SCAND3: variants seen among roughly 807,000 people sequenced by gnomAD.
SCAND3 encodes SCAN domain-containing protein 3.
the SCAND3 span, among the ~76,000 whole-genome samples, chr6:28,578,724 GC>G: frequency 6.6e-6 from 1 of 152,128 alleles, no homozygotes; most frequent in South Asian, 2.1e-4. Context: ...AATTGTTAGG[GC>G]TATAAGAGGA....
the SCAND3 span, chr6:28,572,330 C>G: frequency 1.2e-6 from 2 of 1,600,144 alleles, no homozygotes; most frequent in Non-Finnish European, 1.7e-6. The surrounding 1 kb of genome is among the most constrained non-coding windows in gnomAD (Gnocchi z 4.1). Context: ...TCAAAACATT[C>G]TAACAAATTT....
At chr6:28,574,511 G>A in the SCAND3 span, 2 of 755,942 alleles carry the variant, frequency 2.6e-6, no homozygotes, top group Non-Finnish European at 2.2e-6. Flanking sequence ...AAGTAATTAG[G>A]CCTTCTTTGG....
the SCAND3 span, among the ~76,000 whole-genome samples, chr6:28,602,943 C>T: frequency 1.4e-5 from 2 of 147,096 alleles, no homozygotes; most frequent in Non-Finnish European, 3.0e-5. Context: ...CCATTTATAG[C>T]CACCAAAAAA....
At chr6:28,609,037 T>C in the SCAND3 span, among the ~76,000 whole-genome samples, 10 of 152,196 alleles carry the variant, frequency 6.6e-5, no homozygotes, top group Admixed American at 3.3e-4. Context: ...TCATGGTATG[T>C]ATTCCCATTT....
the SCAND3 span, among the ~76,000 whole-genome samples, chr6:28,605,448 G>T: frequency 1.3e-5 from 2 of 151,992 alleles, no homozygotes; most frequent in South Asian, 2.1e-4. Flanking sequence ...ATATAAGCAC[G>T]CAAGATTATC....
the SCAND3 span, among the ~76,000 whole-genome samples, chr6:28,606,583 G>A: frequency 5.9e-5 from 9 of 152,110 alleles, no homozygotes; most frequent in Admixed American, 1.3e-4. Context: ...TTTGTCGGAG[G>A]TAAACTACTC....
chr6:28,572,574 C>G, the SCAND3 span: 125 of 1,613,900 alleles, frequency 7.7e-5, no homozygotes, highest in Non-Finnish European at 9.7e-5. The surrounding 1 kb of genome is among the most constrained non-coding windows in gnomAD (Gnocchi z 4.1). Context: ...AGATATCAGA[C>G]AAATAAGCAA....
At chr6:28,603,928 T>C in the SCAND3 span, among the ~76,000 whole-genome samples, 6 of 152,216 alleles carry the variant, frequency 3.9e-5, no homozygotes, top group African/African-American at 1.4e-4. Context: ...CAAGGGCTAT[T>C]TTCTGGAGTT....
chr6:28,574,699 G>T, the SCAND3 span: 1 of 1,614,068 alleles, frequency 6.2e-7, no homozygotes, highest in Non-Finnish European at 8.5e-7. Flanking sequence ...TAGCATTTTG[G>T]AAGGTTTAAC....
the SCAND3 span, among the ~76,000 whole-genome samples, chr6:28,608,643 A>G: frequency 6.6e-6 from 1 of 152,176 alleles, no homozygotes; most frequent in Non-Finnish European, 1.5e-5. Flanking sequence ...TTTTTAACTT[A>G]CTGATTTCTA....
the SCAND3 span, chr6:28,616,095 A>G: frequency 1.3e-5 from 2 of 152,198 alleles, no homozygotes; most frequent in Non-Finnish European, 1.5e-5. The surrounding 1 kb of genome is among the most constrained non-coding windows in gnomAD (Gnocchi z 4.3). Flanking sequence ...CCAAAGCGCC[A>G]AATGTGGCTT....
chr6:28,579,625 G>C, the SCAND3 span, among the ~76,000 whole-genome samples: 1 of 152,218 alleles, frequency 6.6e-6, no homozygotes, highest in African/African-American at 2.4e-5. The surrounding 1 kb of genome is among the most constrained non-coding windows in gnomAD (Gnocchi z 4.5). Flanking sequence ...GTCTCTATAG[G>C]ACAGGAGTTA....
chr6:28,588,672 G>A, the SCAND3 span, among the ~76,000 whole-genome samples: 1 of 152,094 alleles, frequency 6.6e-6, no homozygotes, highest in Non-Finnish European at 1.5e-5. The surrounding 1 kb of genome is among the most constrained non-coding windows in gnomAD (Gnocchi z 4.1). Flanking sequence ...ATTATAATTT[G>A]CAAAACTTAA....
At chr6:28,580,315 G>A in the SCAND3 span, among the ~76,000 whole-genome samples, 2 of 151,962 alleles carry the variant, frequency 1.3e-5, no homozygotes, top group Non-Finnish European at 2.9e-5. Flanking sequence ...TTAGCCAGAC[G>A]AGGTGGTGCA....
At chr6:28,601,561 C>T in the SCAND3 span, among the ~76,000 whole-genome samples, 40,941 of 151,986 alleles carry the variant, frequency 0.27, 6,466 homozygotes, top group African/African-American at 0.43. Context: ...GCTCTGTCGC[C>T]GAGGCTGAAC....
the SCAND3 span, chr6:28,594,167 T>C: frequency 1.3e-5 from 2 of 152,244 alleles, no homozygotes; most frequent in East Asian, 1.9e-4. Context: ...ACAACCATTA[T>C]GGAAAATAGT....
At chr6:28,612,040 G>T in the SCAND3 span, among the ~76,000 whole-genome samples, 14 of 150,732 alleles carry the variant, frequency 9.3e-5, no homozygotes, top group Non-Finnish European at 1.6e-4. Flanking sequence ...TTGTTTTTTT[G>T]TTGTTTTTTT....
the SCAND3 span, chr6:28,589,360 C>G: frequency 6.6e-6 from 1 of 152,102 alleles, no homozygotes; most frequent in African/African-American, 2.4e-5. Flanking sequence ...CTATACTTAC[C>G]TACTGTACCC....
chr6:28,591,339 G>A, the SCAND3 span: 2 of 152,130 alleles, frequency 1.3e-5, no homozygotes, highest in South Asian at 2.1e-4. Context: ...TACATGTTCT[G>A]TGGGTCTACC....
Sources: gnomAD v4.1 joint callset for allele counts (sites outside exome capture counted in the v4.1 genomes callset) on GRCh38, gnomAD v4.1.1 for gene constraint, Gnocchi (gnomAD v3.1) non-coding constraint, MANE v1.5 for transcripts, NCBI Gene and HGNC (gene_info 2026-07-23, HGNC 2026-07-21) for gene names.